The following SMAD4 variants were observed in gnomAD, a reference collection of about 807,000 sequenced individuals.
The protein encoded by SMAD4 is SMAD family member 4.
In SMAD4, 7 loss-of-function variants were observed where a neutral mutation model predicts 63.2. That is an observed-to-expected ratio of 0.11 (90% confidence interval 0.06 to 0.21). SMAD4 has a LOEUF of 0.21. Among genes scored for constraint, SMAD4 ranks in the 10% least tolerant of loss-of-function variants. SMAD4 has a pLI of 1.00. For missense variants in SMAD4, 312 were observed against 693.8 expected (o/e 0.45, Z 6.18); for synonymous variants, 215 against 235.4 (o/e 0.91, Z 0.79).
At chr18:51,049,240 AT>A (rs1909634625) in intron 3 of SMAD4, 54 bp from the exon 4 acceptor site, 1 of 1,282,436 alleles carries the variant, frequency 7.8e-7, no homozygotes, top group Non-Finnish European at 1.1e-6. Flanking sequence ...TAAATGGAAA[AT>A]ACTTTCATTG....
At position 51,083,261 on chromosome 18, in the gene SMAD4, GT is replaced by G. The variant is rs562882783; in HGVS notation, c.*4798del. On this transcript the variant is annotated 3_prime_UTR_variant, in exon 12 of 12. Transcript: ENST00000342988. ...AAACCTTGGGAAACTAAGGCCATTT[GT>G]TTTGTTTTGGTGTCCCCTTTGAAGC... The G allele has an allele frequency of 4.9e-4, 112 of 226,588 alleles. No individual in the cohort carries two copies. Among genetic ancestry groups the G allele is most frequent in the African/African-American group, 2.4e-3 (107 of 45,088 alleles). 14.0% of individuals were successfully genotyped at this position (226,588 alleles called of 1,614,324 possible). A position where few individuals can be genotyped will look rare whatever the true frequency, so the allele number is the denominator to read the frequency against.
chr18:51,040,808 T>C (rs770145894), intron 1 of SMAD4, among the ~76,000 whole-genome samples: 7 of 152,230 alleles, frequency 4.6e-5, no homozygotes, highest in Non-Finnish European at 1.0e-4. Flanking sequence ...GCTAACTCTT[T>C]ACCTCTCATA....
chr18:51,050,822 CTTG>C (rs1909688584), intron 4 of SMAD4, among the ~76,000 whole-genome samples: 1 of 151,764 alleles, frequency 6.6e-6, no homozygotes, highest in East Asian at 1.9e-4. Flanking sequence ...TGCAATTCTA[CTTG>C]TTTTTTTTTT....
chr18:51,066,646 T>C (rs1414474168), intron 9 of SMAD4, among the ~76,000 whole-genome samples: 3 of 152,234 alleles, frequency 2.0e-5, no homozygotes, highest in Non-Finnish European at 4.4e-5. Context: ...CTTGATTGAC[T>C]AATCGGATTT....
At chr18:51,073,681 C>T (rs540025276) in intron 10 of SMAD4, among the ~76,000 whole-genome samples, 1 of 151,886 alleles carries the variant, frequency 6.6e-6, no homozygotes, top group Admixed American at 6.6e-5. Flanking sequence ...CAAGCTTGCA[C>T]CATCATGCCT....
rs1244121412 is a variant in SMAD4 at position 51,058,213 on chromosome 18, A to G, written c.756A>G (p.Gly252=). Residue 252 remains glycine (G), a synonymous_variant, in exon 6 of 12, where the codon GGA becomes GGG. Transcript: ENST00000342988. The stretch of plus-strand genomic sequence containing the variant: ...CTCAGCCAGGACAGCAGCAGAATGG[A>G]TTTACTGGTCAGCCAGCTACTTACC... ...SGPQPGQQQN[G]FTGQPATYHH... is the part of the protein sequence containing the mutation. The G allele has an allele frequency of 6.2e-7, 1 of 1,614,208 alleles. No homozygotes were observed. The highest frequency in any genetic ancestry group is 8.5e-7 in the Non-Finnish European group (1 of 1,180,028).
chr18:51,079,171 G>T lies in SMAD4; in HGVS notation c.*704G>T, dbSNP rs964306349. 1.3e-5 allele frequency: 3 copies of T among 232,744 alleles called. No homozygotes were observed. Among genetic ancestry groups the T allele is most frequent in the African/African-American group, 2.2e-5 (1 of 45,316 alleles). The allele number at this position is 232,744 out of a possible 1,614,324, so 14.4% of individuals were successfully genotyped here. ...GACAAAAAAATTTAAAATTACGTTT[G>T]TTATTCCTAGTGGATGACTGTTGAT... On this transcript the variant is annotated 3_prime_UTR_variant, in exon 12 of 12. Coordinates refer to ENST00000342988, the MANE Select transcript of SMAD4 (RefSeq NM_005359.6).
At chr18:51,036,692 G>C (rs947876384) in intron 1 of SMAD4, among the ~76,000 whole-genome samples, 1 of 152,178 alleles carries the variant, frequency 6.6e-6, no homozygotes, top group Non-Finnish European at 1.5e-5. Context: ...TTGTAGACTA[G>C]ATCAATGCTT....
chr18:51,065,324 C>A (rs1358939985), intron 8 of SMAD4, 99 bp from the exon 9 acceptor site: 5 of 970,962 alleles, frequency 5.1e-6, no homozygotes, highest in Non-Finnish European at 6.7e-6. Context: ...TCTCCCCTCC[C>A]TTTACCCTTT....
intron 1 of SMAD4, among the ~76,000 whole-genome samples, chr18:51,034,050 A>G (rs1260841290): frequency 1.3e-5 from 2 of 152,214 alleles, no homozygotes; most frequent in Non-Finnish European, 2.9e-5. Context: ...CGGTAACAGT[A>G]AAGACCGTTC....
In SMAD4 at chr18:51,048,783, A is replaced by G. The variant is rs1291259529; in HGVS notation, c.347A>G (p.Gln116Arg). The change falls in exon 3 of 12, where the codon CAG becomes CGG. Residue 116 changes from glutamine to arginine, a missense_variant. Gln to Arg is a conservative substitution (Grantham distance 43). Coordinates refer to ENST00000342988, the MANE Select transcript of SMAD4 (RefSeq NM_005359.6). ...GAACTAAAACATGTTAAATATTGTC[A>G]GTATGCGTTTGACTTAAAATGTGAT... ...KNELKHVKYC[Q>R]YAFDLKCDSV... 1 of 1,614,034 alleles carries G rather than the reference A, an allele frequency of 6.2e-7. No individual in the cohort carries two copies. The highest frequency in any genetic ancestry group is 1.7e-5 in the Admixed American group (1 of 60,020).
At chr18:51,047,824 G>T (rs1184671793) in intron 2 of SMAD4, among the ~76,000 whole-genome samples, 1 of 152,110 alleles carries the variant, frequency 6.6e-6, no homozygotes, top group Admixed American at 6.5e-5. Context: ...GGTCAGGCTG[G>T]TCTTGAACCG....
In SMAD4 at chr18:51,076,794, T is replaced by A; in HGVS notation, c.1447+18T>A. ...AGCTATCAGTAAGTATGCTTTTCATTCTTTTTTAAAGGTATAATAGTTGAT... is the reference window on the plus strand; with the variant it reads ...AGCTATCAGTAAGTATGCTTTTCATACTTTTTTAAAGGTATAATAGTTGAT... On this transcript the variant is annotated intron_variant, in intron 11 of 11. Transcript: ENST00000342988. 1 of 1,581,494 alleles carries A rather than the reference T, an allele frequency of 6.3e-7. No homozygotes were observed. Among genetic ancestry groups the A allele is most frequent in the Non-Finnish European group, 8.6e-7 (1 of 1,156,628 alleles).
intron 5 of SMAD4, among the ~76,000 whole-genome samples, chr18:51,056,190 A>G (rs906458876): frequency 6.6e-6 from 1 of 152,230 alleles, no homozygotes. Flanking sequence ...GTGATAGAAA[A>G]TAAAAGAAGG....
rs1387004335 is a variant in SMAD4, at chr18:51,079,053, T to C, written c.*586T>C. The stretch of plus-strand genomic sequence containing the variant: ...GCAAGTTATATTAGTGAAGATGGTT[T>C]CAATTCAGATTGTCTTGCAACTTCA... On this transcript the variant is annotated 3_prime_UTR_variant, in exon 12 of 12. Coordinates refer to ENST00000342988, the MANE Select transcript of SMAD4 (RefSeq NM_005359.6). The C allele has an allele frequency of 1.3e-5, 3 of 233,346 alleles. No individual in the cohort carries two copies. Among genetic ancestry groups the C allele is most frequent in the Non-Finnish European group, 2.5e-5 (3 of 117,946 alleles). 14.5% of individuals were successfully genotyped at this position (233,346 alleles called of 1,614,324 possible).
At position 51,083,186 on chromosome 18, in the gene SMAD4, A is replaced by C. The variant is rs1321762962; in HGVS notation, c.*4719A>C. 2 of 227,430 alleles carry C rather than the reference A, an allele frequency of 8.8e-6. No homozygotes were observed. The highest frequency in any genetic ancestry group is 1.7e-5 in the Non-Finnish European group (2 of 114,564). 14.1% of individuals were successfully genotyped at this position (227,430 alleles called of 1,614,324 possible). A position where few individuals can be genotyped will look rare whatever the true frequency, so the allele number is the denominator to read the frequency against. ...TAAATTAGCATCAGTAGCCAGAGGC[A>C]ATACCGTTGTCTGGAGGACACCAGC... On this transcript the variant is annotated 3_prime_UTR_variant, in exon 12 of 12. Transcript: ENST00000342988.
chr18:51,035,060 C>T (rs1310391069), intron 1 of SMAD4, among the ~76,000 whole-genome samples: 2 of 152,224 alleles, frequency 1.3e-5, no homozygotes, highest in Non-Finnish European at 2.9e-5. Flanking sequence ...GTGTTACACA[C>T]ATGTACAGTG....
At chr18:51,032,862 TTTGTC>T (rs1909091551) in intron 1 of SMAD4, among the ~76,000 whole-genome samples, 1 of 152,164 alleles carries the variant, frequency 6.6e-6, no homozygotes, top group Non-Finnish European at 1.5e-5. Flanking sequence ...AACATGTTGT[TTTGTC>T]GATGTTTAAA....
chr18:51,065,153 T>G (rs1475236641), intron 8 of SMAD4, among the ~76,000 whole-genome samples: 1 of 152,160 alleles, frequency 6.6e-6, no homozygotes, highest in East Asian at 1.9e-4. Flanking sequence ...AAAATGACTT[T>G]TAGAACTTGA....
Sources: allele counts gnomAD v4.1 joint callset (sites outside exome capture counted in the v4.1 genomes callset), GRCh38; gene constraint gnomAD v4.1.1; transcripts MANE v1.5; gene names NCBI Gene and HGNC (gene_info 2026-07-23, HGNC 2026-07-21).